TAFA4: variants seen among roughly 807,000 people sequenced by gnomAD.
The protein encoded by TAFA4 is chemokine-like protein TAFA-4.
A neutral mutation model predicts 21.1 loss-of-function variants in TAFA4; 20 were observed. That is an observed-to-expected ratio of 0.95 (90% CI 0.67 to 1.38). The LOEUF is 1.38. Ranked by LOEUF, TAFA4 falls within the 40% of genes most tolerant of loss-of-function variation. TAFA4 has a pLI of 0.00. For missense variants in TAFA4, 211 were observed against 180.9 expected (o/e 1.17, Z -0.95); for synonymous variants, 71 against 67.4 (o/e 1.05, Z -0.26).
At chr3:68,852,265 G>A (rs1415178630) in intron 3 of TAFA4, among the ~76,000 whole-genome samples, 1 of 152,102 alleles carries the variant, frequency 6.6e-6, no homozygotes, top group Non-Finnish European at 1.5e-5. Flanking sequence ...AAGGAGGAGT[G>A]GCTGACAGAA....
At chr3:68,841,837 G>C (rs1478054063) in intron 3 of TAFA4, among the ~76,000 whole-genome samples, 1 of 152,026 alleles carries the variant, frequency 6.6e-6, no homozygotes, top group Non-Finnish European at 1.5e-5. Context: ...GAGAATGATG[G>C]TTTCCAGCTT....
At chr3:68,861,767 G>A (rs975121367) in intron 3 of TAFA4, among the ~76,000 whole-genome samples, 2 of 151,988 alleles carry the variant, frequency 1.3e-5, no homozygotes, top group African/African-American at 2.4e-5. Flanking sequence ...AGGGAGAAAA[G>A]GGAAGTAGAA....
intron 3 of TAFA4, among the ~76,000 whole-genome samples, chr3:68,799,958 T>C (rs1296402989): frequency 6.6e-6 from 1 of 152,028 alleles, no homozygotes; most frequent in African/African-American, 2.4e-5. Context: ...TGAATCCTAT[T>C]GTGAACCGCA....
chr3:68,808,495 C>T (rs532984376), intron 3 of TAFA4, among the ~76,000 whole-genome samples: 207 of 152,320 alleles, frequency 1.4e-3, no homozygotes, highest in Non-Finnish European at 2.6e-3. Context: ...CTACTGCCTT[C>T]TTAAACCCTC....
intron 3 of TAFA4, among the ~76,000 whole-genome samples, chr3:68,880,366 T>C (rs1452836300): frequency 6.6e-6 from 1 of 151,994 alleles, no homozygotes; most frequent in Middle Eastern, 3.2e-3. Context: ...AAAGATGTTC[T>C]ACTTCTAAGG....
intron 3 of TAFA4, among the ~76,000 whole-genome samples, chr3:68,872,567 C>T (rs1023838451): frequency 6.6e-6 from 1 of 152,022 alleles, no homozygotes; most frequent in Admixed American, 6.6e-5. Flanking sequence ...ATATTCCCAA[C>T]ATAAAGAAAG....
intron 1 of TAFA4, among the ~76,000 whole-genome samples, chr3:68,921,183 G>C (rs540354128): frequency 6.6e-6 from 1 of 152,230 alleles, no homozygotes; most frequent in African/African-American, 2.4e-5. Context: ...GGGGATCACA[G>C]TTCCACAAAC....
chr3:68,755,188 C>A (rs1702638275), intron 3 of TAFA4, among the ~76,000 whole-genome samples: 1 of 152,192 alleles, frequency 6.6e-6, no homozygotes. Context: ...CACCAACCAC[C>A]TGAATTCCAT....
chr3:68,897,296 T>C (rs1393214871), intron 1 of TAFA4, among the ~76,000 whole-genome samples: 3 of 152,176 alleles, frequency 2.0e-5, no homozygotes, highest in African/African-American at 7.2e-5. Context: ...CCTTTCACCA[T>C]GCCTTTTATA....
At chr3:68,836,787 TCAGGGTTCAAGTCCTGACTATGCTAC>T (rs1435794483) in intron 3 of TAFA4, among the ~76,000 whole-genome samples, 3 of 150,162 alleles carry the variant, frequency 2.0e-5, no homozygotes, top group Non-Finnish European at 4.4e-5. Context: ...AGTCCAGGGG[TCAGGGTTCAAGTCCTGACTATGCTAC>T]CAGGGTTCAA....
intron 3 of TAFA4, among the ~76,000 whole-genome samples, chr3:68,804,524 G>A (rs1703646496): frequency 6.6e-6 from 1 of 152,110 alleles, no homozygotes; most frequent in African/African-American, 2.4e-5. Context: ...AAAGCTGGAG[G>A]CAGCATCACG....
At chr3:68,737,246 T>A (rs1339945726) in intron 5 of TAFA4, among the ~76,000 whole-genome samples, 1 of 152,118 alleles carries the variant, frequency 6.6e-6, no homozygotes, top group Non-Finnish European at 1.5e-5. Flanking sequence ...TAGGAAGGAA[T>A]TAGGAAAAAA....
At chr3:68,833,678 C>A (rs914761824) in intron 3 of TAFA4, among the ~76,000 whole-genome samples, 1 of 152,118 alleles carries the variant, frequency 6.6e-6, no homozygotes, top group Non-Finnish European at 1.5e-5. Flanking sequence ...CTTTTTATAA[C>A]TTTAAATAAA....
intron 3 of TAFA4, among the ~76,000 whole-genome samples, chr3:68,841,098 C>T (rs1448610011): frequency 1.4e-5 from 1 of 73,132 alleles, no homozygotes; most frequent in Non-Finnish European, 3.7e-5. Context: ...CCGAGGCGGG[C>T]GGATCACGAG....
chr3:68,844,961 G>C (rs1191272686), intron 3 of TAFA4, among the ~76,000 whole-genome samples: 1 of 152,182 alleles, frequency 6.6e-6, no homozygotes, highest in Non-Finnish European at 1.5e-5. Context: ...TTTAGAATAA[G>C]TGCAATGTGG....
At chr3:68,752,513 C>T (rs1702574412) in intron 4 of TAFA4, among the ~76,000 whole-genome samples, 1 of 152,118 alleles carries the variant, frequency 6.6e-6, no homozygotes, top group Non-Finnish European at 1.5e-5. Flanking sequence ...GTGAGAAAGT[C>T]ATGCTGCTAA....
chr3:68,897,613 C>T (rs541033435), intron 1 of TAFA4, among the ~76,000 whole-genome samples: 2 of 150,322 alleles, frequency 1.3e-5, no homozygotes, highest in Admixed American at 6.7e-5. Flanking sequence ...GCAACAAAAG[C>T]GAAACTCCAT....
At chr3:68,756,106 C>G (rs1565384) in intron 3 of TAFA4, among the ~76,000 whole-genome samples, 47,076 of 152,020 alleles carry the variant, frequency 0.31, 9,213 homozygotes, top group East Asian at 0.86. Flanking sequence ...TCCCAGATTG[C>G]TGGTGTGCAG....
intron 1 of TAFA4, among the ~76,000 whole-genome samples, chr3:68,904,333 G>A (rs1289497474): frequency 5.3e-5 from 8 of 152,196 alleles, no homozygotes; most frequent in African/African-American, 1.9e-4. Flanking sequence ...GAAACCGGGA[G>A]AGCCATAGGC....
Sources: allele counts gnomAD v4.1 joint callset (sites outside exome capture counted in the v4.1 genomes callset), GRCh38; gene constraint gnomAD v4.1.1; transcripts MANE v1.5; gene names NCBI Gene and HGNC (gene_info 2026-07-23, HGNC 2026-07-21).